Variants in ZFPM2 observed in about 807,000 individuals in gnomAD.
The protein encoded by ZFPM2 is zinc finger protein ZFPM2.
ZFPM2 carries 20 observed loss-of-function variants against 98.6 expected under a neutral mutation model. That is an observed-to-expected ratio of 0.20 (90% CI 0.14 to 0.29). ZFPM2 has a LOEUF of 0.29. Among genes scored for constraint, ZFPM2 ranks in the 10% least tolerant of loss-of-function variants. The pLI, the probability that ZFPM2 is intolerant of heterozygous loss-of-function variation, is 1.00. For missense variants in ZFPM2, 1,310 were observed against 1,388.6 expected, an observed-to-expected ratio of 0.94 and a Z score of 0.90; for synonymous variants, 518 against 502.7, an observed-to-expected ratio of 1.03 and a Z score of -0.41.
chr8:105,699,733 A>G (rs1272658142), intron 5 of ZFPM2, among the ~76,000 whole-genome samples: 2 of 152,166 alleles, frequency 1.3e-5, no homozygotes, highest in South Asian at 2.1e-4. Context: ...AGTGAGAAAT[A>G]TAATGCAAAC....
At chr8:105,688,351 G>T (rs1240883852) in intron 5 of ZFPM2, among the ~76,000 whole-genome samples, 1 of 152,024 alleles carries the variant, frequency 6.6e-6, no homozygotes, top group African/African-American at 2.4e-5. Flanking sequence ...AAAGGGAAAT[G>T]TAAACATGAT....
At chr8:105,626,936 T>A (rs1039895406) in intron 4 of ZFPM2, among the ~76,000 whole-genome samples, 1 of 152,094 alleles carries the variant, frequency 6.6e-6, no homozygotes, top group Non-Finnish European at 1.5e-5. Flanking sequence ...ATAACACTTC[T>A]GTTAAATGGA....
intron 1 of ZFPM2, among the ~76,000 whole-genome samples, chr8:105,417,643 T>C (rs1586357217): frequency 6.6e-6 from 1 of 152,312 alleles, no homozygotes; most frequent in African/African-American, 2.4e-5. Context: ...CTTGTCTTGC[T>C]CTTTGACGTA....
chr8:105,631,629 T>A (rs1179688736), intron 4 of ZFPM2, among the ~76,000 whole-genome samples: 1 of 152,184 alleles, frequency 6.6e-6, no homozygotes, highest in African/African-American at 2.4e-5. Context: ...AATTGATACA[T>A]GTCTTAGCAC....
chr8:105,336,912 C>T (rs182422928), intron 1 of ZFPM2, among the ~76,000 whole-genome samples: 8 of 151,744 alleles, frequency 5.3e-5, no homozygotes, highest in African/African-American at 1.9e-4. Flanking sequence ...GTTATACTAA[C>T]CATTACCAGA....
intron 1 of ZFPM2, among the ~76,000 whole-genome samples, chr8:105,401,037 G>T (rs1431005416): frequency 2.6e-5 from 4 of 151,806 alleles, no homozygotes; most frequent in Admixed American, 2.6e-4. Context: ...GGGATTATTG[G>T]TATCTTGATA....
intron 5 of ZFPM2, among the ~76,000 whole-genome samples, chr8:105,755,928 A>T (rs1458935342): frequency 1.3e-5 from 2 of 152,178 alleles, no homozygotes; most frequent in Non-Finnish European, 2.9e-5. Flanking sequence ...ATCTGTCTTA[A>T]AAATTTAAGG....
chr8:105,481,422 T>C (rs544560496), intron 3 of ZFPM2, among the ~76,000 whole-genome samples: 8 of 152,238 alleles, frequency 5.3e-5, no homozygotes, highest in Non-Finnish European at 1.0e-4. Flanking sequence ...CTTCTAGCTG[T>C]GTGCACACGT....
chr8:105,783,845 G>A (rs1242991506), intron 5 of ZFPM2, among the ~76,000 whole-genome samples: 4 of 152,034 alleles, frequency 2.6e-5, no homozygotes, highest in Non-Finnish European at 5.9e-5. Context: ...GCCACTATGA[G>A]CCTGGCTGTT....
intron 3 of ZFPM2, among the ~76,000 whole-genome samples, chr8:105,553,925 A>G (rs566472688): frequency 4.6e-5 from 7 of 152,186 alleles, no homozygotes; most frequent in Non-Finnish European, 8.8e-5. Context: ...ACAACTTCCA[A>G]CAGTAGGAAC....
At position 105,588,180 on chromosome 8, in the gene ZFPM2, T is replaced by G. The variant is rs373986756; in HGVS notation, c.420+26699T>G. Among the ~76,000 whole-genome samples, 10 of 152,304 alleles carry G rather than the reference T, an allele frequency of 6.6e-5. No homozygotes were observed. In the East Asian group the frequency reaches 1.4e-3, roughly 21 times the overall value. ...GCAAAATATATAAGCAAGATAAGAA[T>G]TGAATTAAAATGCATTAGGTGATAT... On this transcript the variant is annotated intron_variant, in intron 4 of 7. Coordinates refer to ENST00000407775, the MANE Select transcript of ZFPM2 (RefSeq NM_012082.4).
chr8:105,599,233 A>T (rs141200688), intron 4 of ZFPM2, among the ~76,000 whole-genome samples: 83 of 152,086 alleles, frequency 5.5e-4, no homozygotes, highest in African/African-American at 1.9e-3. Flanking sequence ...GTGATTCATC[A>T]TCCACACCTA....
At chr8:105,500,782 A>G (rs1170328674) in intron 3 of ZFPM2, among the ~76,000 whole-genome samples, 2 of 152,156 alleles carry the variant, frequency 1.3e-5, no homozygotes, top group Non-Finnish European at 2.9e-5. Flanking sequence ...AAGATATTTT[A>G]TGTGTGTACT....
chr8:105,580,980 G>A (rs1209386351), intron 4 of ZFPM2, among the ~76,000 whole-genome samples: 4 of 151,806 alleles, frequency 2.6e-5, no homozygotes, highest in East Asian at 3.9e-4. Flanking sequence ...TATAAAAGAC[G>A]AGTGAGTAGT....
intron 3 of ZFPM2, among the ~76,000 whole-genome samples, chr8:105,559,759 T>C (rs1032511216): frequency 2.0e-5 from 3 of 151,970 alleles, no homozygotes; most frequent in African/African-American, 7.3e-5. Flanking sequence ...AAAGAAGAGA[T>C]AGAATTGAAC....
At chr8:105,392,760 A>G (rs553769234) in intron 1 of ZFPM2, among the ~76,000 whole-genome samples, 1 of 152,220 alleles carries the variant, frequency 6.6e-6, no homozygotes, top group Non-Finnish European at 1.5e-5. Context: ...ATCAGTAGAG[A>G]TGTCTTTGAA....
intron 4 of ZFPM2, among the ~76,000 whole-genome samples, chr8:105,619,310 G>A (rs1367442644): frequency 3.3e-5 from 5 of 151,956 alleles, no homozygotes; most frequent in African/African-American, 1.2e-4. Flanking sequence ...CCATTCATAA[G>A]CTTAAAATAT....
At chr8:105,577,394 TA>T (rs1385109980) in intron 4 of ZFPM2, among the ~76,000 whole-genome samples, 3 of 152,110 alleles carry the variant, frequency 2.0e-5, no homozygotes, top group African/African-American at 7.2e-5. Flanking sequence ...ACAAATAAGA[TA>T]AAAATGAATA....
At chr8:105,730,139 G>A (rs144501397) in intron 5 of ZFPM2, among the ~76,000 whole-genome samples, 1 of 151,718 alleles carries the variant, frequency 6.6e-6, no homozygotes, top group African/African-American at 2.4e-5. Flanking sequence ...GACTTACAGA[G>A]GTTTCTGTTG....
Sources: allele counts gnomAD v4.1 joint callset (sites outside exome capture counted in the v4.1 genomes callset), GRCh38; gene constraint gnomAD v4.1.1; transcripts MANE v1.5; gene names NCBI Gene and HGNC (gene_info 2026-07-23, HGNC 2026-07-21).